The following DCX variants were observed in gnomAD, a reference collection of about 807,000 sequenced individuals.
DCX encodes the protein doublecortin.
DCX carries 4 observed loss-of-function variants against 20.9 expected under a neutral mutation model. The ratio of observed to expected loss-of-function variants is 0.19; its 90% CI spans 0.09 to 0.44. The LOEUF is 0.44. Ranked by LOEUF, DCX falls within the 20% of genes least tolerant of loss-of-function variation. The probability of loss-of-function intolerance (pLI) is 0.99; values close to 1 mark genes in which losing one functional copy is unlikely to be tolerated. For missense variants in DCX, 133 were observed against 296.9 expected (o/e 0.45, Z 4.06); for synonymous variants, 103 against 111.4 (o/e 0.92, Z 0.47).
At chrX:111,353,071 A>G (rs1255810624) in intron 3 of DCX, among the ~76,000 whole-genome samples, 1 of 112,234 alleles carries the variant, frequency 8.9e-6, no homozygotes, top group Non-Finnish European at 1.9e-5. Flanking sequence ...CTCAAGTGTC[A>G]GCTTCATATG....
chrX:111,385,520 G>C (rs907232115), intron 3 of DCX, among the ~76,000 whole-genome samples: 1 of 109,774 alleles, frequency 9.1e-6, no homozygotes, highest in Non-Finnish European at 1.9e-5. Flanking sequence ...GCCAGGTGTG[G>C]TGGTAGGCAC....
At chrX:111,376,981 A>G (rs1255861090) in intron 3 of DCX, among the ~76,000 whole-genome samples, 2 of 112,028 alleles carry the variant, frequency 1.8e-5, no homozygotes, top group African/African-American at 6.5e-5. Context: ...TAATCTGACA[A>G]CGCTAATCTG....
intron 3 of DCX, among the ~76,000 whole-genome samples, chrX:111,334,882 A>G (rs1921582090): frequency 8.9e-6 from 1 of 111,762 alleles, no homozygotes; most frequent in Non-Finnish European, 1.9e-5. Context: ...ATTGATTACC[A>G]TGTCCAAATG....
intron 3 of DCX, among the ~76,000 whole-genome samples, chrX:111,338,912 G>C (rs769722472): frequency 1.8e-5 from 2 of 111,638 alleles, no homozygotes; most frequent in South Asian, 7.5e-4. Flanking sequence ...CACCAAGGCT[G>C]CTCTTGTTAA....
chrX:111,372,649 G>C (rs1454698924), intron 3 of DCX, among the ~76,000 whole-genome samples: 1 of 111,493 alleles, frequency 9.0e-6, no homozygotes, highest in East Asian at 2.8e-4. Context: ...GCACCAAGAA[G>C]AGAGTGGCAT....
chrX:111,375,707 T>G (rs990296363), intron 3 of DCX, among the ~76,000 whole-genome samples: 1 of 112,152 alleles, frequency 8.9e-6, no homozygotes, highest in African/African-American at 3.2e-5. Context: ...CAGGAGTACC[T>G]TTCTCTGCTC....
intron 3 of DCX, among the ~76,000 whole-genome samples, chrX:111,344,669 G>A (rs1922620222): frequency 1.8e-5 from 2 of 110,920 alleles, no homozygotes; most frequent in African/African-American, 6.6e-5. Flanking sequence ...AAATACCTAG[G>A]AATACAGCTA....
rs1306504907 is a variant in DCX, at chrX:111,297,602, G to A, written c.*4085C>T. On this transcript the variant is annotated 3_prime_UTR_variant, in exon 7 of 7. Coordinates refer to ENST00000636035, the MANE Select transcript of DCX (RefSeq NM_001195553.2). ...GGTTCCTTGGTTACTTGTGACTGTGGAGGAGAAGGAGGAAGGAGAGAGAAG... is the reference window on the plus strand; with the variant it reads ...GGTTCCTTGGTTACTTGTGACTGTGAAGGAGAAGGAGGAAGGAGAGAGAAG... 1 of 111,689 alleles carries A rather than the reference G, an allele frequency of 9.0e-6. No homozygotes were observed. The allele number at this position is 111,689 out of a possible 1,213,427, so 9.2% of individuals were successfully genotyped here.
In DCX at chrX:111,326,288, T is replaced by TA. The variant is rs1472168241; in HGVS notation, c.946+4615dup. Among the ~76,000 whole-genome samples the TA allele has an allele frequency of 6.2e-4, 68 of 108,883 alleles. 1 individual carries two copies. In the Admixed American group the frequency reaches 6.4e-3, roughly 10 times the overall value. 94.6% of individuals were successfully genotyped at this position (108,883 alleles called of 115,157 possible). On this transcript the variant is annotated intron_variant, in intron 5 of 6. Transcript: ENST00000636035. ...TAATTAGCTTCCTTCGGGGGCTCCT[T>TA]AAAAAAAAAGAAAGAAAGAGAAAGA...
intron 6 of DCX, among the ~76,000 whole-genome samples, chrX:111,309,390 G>A (rs769027892): frequency 8.9e-5 from 10 of 112,372 alleles, no homozygotes; most frequent in Admixed American, 1.9e-4. Flanking sequence ...GTTCAGATGA[G>A]ATCTGCTCAG....
intron 5 of DCX, among the ~76,000 whole-genome samples, chrX:111,316,559 A>G (rs1382244742): frequency 9.0e-6 from 1 of 111,635 alleles, no homozygotes; most frequent in Non-Finnish European, 1.9e-5. Context: ...TCAACATAGT[A>G]TTGGAAATTC....
intron 3 of DCX, among the ~76,000 whole-genome samples, chrX:111,362,482 T>G (rs1603419088): frequency 1.8e-5 from 2 of 111,662 alleles, no homozygotes; most frequent in South Asian, 7.6e-4. Flanking sequence ...CTCATTGGCG[T>G]AGTTTTCCTC....
chrX:111,404,460 C>A (rs1182265827), intron 2 of DCX, among the ~76,000 whole-genome samples: 2 of 111,847 alleles, frequency 1.8e-5, no homozygotes, highest in East Asian at 5.6e-4. Flanking sequence ...TGCAGAGGCC[C>A]GCTGAGAGCA....
At chrX:111,369,881 T>C (rs1924939043) in intron 3 of DCX, among the ~76,000 whole-genome samples, 1 of 111,761 alleles carries the variant, frequency 8.9e-6, no homozygotes, top group Admixed American at 9.5e-5. Flanking sequence ...ATAACTTTGC[T>C]TTGTTCTCTA....
At chrX:111,364,295 G>A (rs750147308) in intron 3 of DCX, among the ~76,000 whole-genome samples, 2 of 111,765 alleles carry the variant, frequency 1.8e-5, no homozygotes, top group South Asian at 7.5e-4. Flanking sequence ...GAGCAAAGGA[G>A]GTGAACACCA....
chrX:111,393,932 A>G (rs888338810), intron 3 of DCX, among the ~76,000 whole-genome samples: 3 of 111,711 alleles, frequency 2.7e-5, no homozygotes, highest in Non-Finnish European at 5.7e-5. Context: ...TTGGAAAACC[A>G]TTTGACAGTT....
At chrX:111,318,451 T>C (rs2095079139) in intron 5 of DCX, among the ~76,000 whole-genome samples, 1 of 109,442 alleles carries the variant, frequency 9.1e-6, no homozygotes, top group South Asian at 3.9e-4. Context: ...ATTGGGTATA[T>C]ACCCCAAGGA....
intron 5 of DCX, among the ~76,000 whole-genome samples, chrX:111,316,090 A>AAATT: frequency 1.2e-5 from 1 of 82,828 alleles, no homozygotes; most frequent in African/African-American, 9.6e-5. Context: ...AAAAAATAAA[A>AAATT]AAAAAAAAAA....
chrX:111,342,339 TTATATATATA>T (rs60045433), intron 3 of DCX, among the ~76,000 whole-genome samples: 547 of 20,719 alleles, frequency 0.026, 12 homozygotes, highest in Non-Finnish European at 0.032. Flanking sequence ...GAGCTAACTA[TTATATATATA>T]TATATATATA....
Sources: allele counts gnomAD v4.1 joint callset (sites outside exome capture counted in the v4.1 genomes callset), GRCh38; gene constraint gnomAD v4.1.1; transcripts MANE v1.5; gene names NCBI Gene and HGNC (gene_info 2026-07-23, HGNC 2026-07-21).